Variants in SETD1B observed in about 807,000 individuals in gnomAD.
The protein encoded by SETD1B is histone-lysine N-methyltransferase SETD1B.
A neutral mutation model predicts 148.0 loss-of-function variants in SETD1B; 7 were observed. The observed-to-expected ratio is 0.05, with a 90% CI of 0.03 to 0.09. The LOEUF (loss-of-function observed/expected upper bound fraction) is 0.09. Among genes scored for constraint, SETD1B ranks in the 10% least tolerant of loss-of-function variants. The probability of loss-of-function intolerance (pLI) is 1.00; values close to 1 mark genes in which losing one functional copy is unlikely to be tolerated. For missense variants in SETD1B, 2,155 were observed against 2,729.9 expected, an observed-to-expected ratio of 0.79 and a Z score of 4.69; for synonymous variants, 1,361 against 1,186.5, an observed-to-expected ratio of 1.15 and a Z score of -3.02.
In SETD1B at chr12:121,810,212, C is replaced by T. The variant is rs573747074; in HGVS notation, c.1267C>T (p.Arg423Cys). Reference sequence around the variant, plus strand: ...CACCGCCACAGCCGCTTTTGGGGCCCGCGACAGTGGGGAGTTCCGGAGGGC... The same window carrying T: ...CACCGCCACAGCCGCTTTTGGGGCCTGCGACAGTGGGGAGTTCCGGAGGGC... ...EPTATAAFGA[R>C]DSGEFRRAPA... The change falls in exon 6 of 17, where the codon CGC becomes TGC. Residue 423 changes from arginine to cysteine, a missense_variant. Around this residue, in one of 11 missense-constraint regions of SETD1B, gnomAD observed 376 missense variants for 385.0 expected, o/e 0.98. Coordinates refer to ENST00000604567, the MANE Select transcript of SETD1B (RefSeq NM_001353345.2). This position sits in a 1 kb window ranked among gnomAD's most constrained non-coding sequence, Gnocchi z 7.6. 30 of 1,549,418 alleles carry T rather than the reference C, an allele frequency of 1.9e-5. No homozygotes were observed. Among genetic ancestry groups the T allele is most frequent in the East Asian group, 1.2e-4 (5 of 40,904 alleles).
At chr12:121,798,643 T>C in the SETD1B span, among the ~76,000 whole-genome samples, 13 of 152,210 alleles carry the variant, frequency 8.5e-5, no homozygotes, top group Admixed American at 5.9e-4. Flanking sequence ...AAGATACCTT[T>C]AGCAAGATCT....
At chr12:121,822,417 G>T in intron 11 of SETD1B, 73 bp from the exon 12 acceptor site, 1 of 1,465,654 alleles carries the variant, frequency 6.8e-7, no homozygotes, top group Non-Finnish European at 9.1e-7. Context: ...GCCAGGTATG[G>T]AGCACAAAAT....
intron 14 of SETD1B, 29 bp from the exon 15 acceptor site, chr12:121,827,706 C>A (rs929794228): frequency 3.0e-5 from 47 of 1,551,644 alleles, no homozygotes; most frequent in Admixed American, 1.4e-4. Flanking sequence ...GAGACCGGGG[C>A]TCACCTCTCC....
intron 6 of SETD1B, among the ~76,000 whole-genome samples, chr12:121,812,293 C>T (rs759651143): frequency 6.6e-6 from 1 of 152,198 alleles, no homozygotes. Context: ...TAAACAGTGG[C>T]TGGTCGTTAA....
At chr12:121,818,871 CAG>C (rs1876427772) in intron 10 of SETD1B, among the ~76,000 whole-genome samples, 1 of 143,218 alleles carries the variant, frequency 7.0e-6, no homozygotes, top group Admixed American at 7.1e-5. Flanking sequence ...CCCTGGGCGA[CAG>C]AGCGAGACTC....
chr12:121,820,141 G>A (rs11043203), intron 11 of SETD1B, among the ~76,000 whole-genome samples: 31,127 of 152,184 alleles, frequency 0.2, 3,576 homozygotes, highest in African/African-American at 0.31. Flanking sequence ...CACTGCCAGC[G>A]TTTCCCTGGT....
rs1050688148 is a variant in SETD1B at position 121,820,635 on chromosome 12, G to A, written c.3910+740G>A. ...CGCAAGCTCCGCCTCCCAGGTTCAC[G>A]CCATTCTCCTGCCTCAGCCTCCAGA... On this transcript the variant is annotated intron_variant, in intron 11 of 16. Coordinates refer to ENST00000604567, the MANE Select transcript of SETD1B (RefSeq NM_001353345.2). 2.0e-5 allele frequency among the ~76,000 whole-genome samples: 3 copies of A among 152,118 alleles called. No individual in the cohort carries two copies. The East Asian group carries it at 5.8e-4, about 29-fold the overall frequency.
intron 13 of SETD1B, among the ~76,000 whole-genome samples, chr12:121,826,547 T>G (rs7302998): frequency 0.015 from 2,292 of 152,014 alleles, 47 homozygotes; most frequent in African/African-American, 0.052. Flanking sequence ...AGAGGCCACT[T>G]GTGGGAGAGA....
In SETD1B at chr12:121,827,818, G is replaced by A. The variant is rs1337605673; in HGVS notation, c.5553G>A (p.Glu1851=). ...CCATGGAGCCCATCGCGGCTGACGA[G>A]ATGGTCATCGAGTACGTGGGCCAGA... ...LFAMEPIAAD[E]MVIEYVGQNI... The change falls in exon 15 of 17, where the codon GAG becomes GAA. Residue 1851 remains glutamate (E), a synonymous_variant. Transcript: ENST00000604567. The A allele has an allele frequency of 6.4e-7, 1 of 1,560,232 alleles. No individual in the cohort carries two copies. The highest frequency in any genetic ancestry group is 8.7e-7 in the Non-Finnish European group (1 of 1,151,362).
At chr12:121,792,332 C>T in the SETD1B span, among the ~76,000 whole-genome samples, 1 of 152,204 alleles carries the variant, frequency 6.6e-6, no homozygotes, top group African/African-American at 2.4e-5. Flanking sequence ...ACCTTTGGTC[C>T]CCAATGTTGA....
chr12:121,823,512 C>T lies in SETD1B; in HGVS notation c.4933C>T (p.Pro1645Ser). 2 of 1,550,896 alleles carry T rather than the reference C, an allele frequency of 1.3e-6. No individual in the cohort carries two copies. Among genetic ancestry groups the T allele is most frequent in the South Asian group, 1.2e-5 (1 of 84,060 alleles). The change falls in exon 12 of 17, where the codon CCA becomes TCA. Residue 1645 changes from proline to serine, a missense_variant. Around this residue, in one of 11 missense-constraint regions of SETD1B, gnomAD observed 862 missense variants for 873.8 expected, o/e 0.99. Transcript: ENST00000604567. ...LAKSRGPWRRPPKKRHEDLVP... is the reference protein window; with the variant it reads ...LAKSRGPWRRSPKKRHEDLVP... Reference sequence around the variant, plus strand: ...CAAGAGCCGGGGGCCGTGGCGCCGGCCACCTAAGAAGCGCCATGAGGACCT... The same window carrying T: ...CAAGAGCCGGGGGCCGTGGCGCCGGTCACCTAAGAAGCGCCATGAGGACCT...
chr12:121,828,407 G>A (rs533544400), intron 16 of SETD1B, among the ~76,000 whole-genome samples: 6 of 152,364 alleles, frequency 3.9e-5, no homozygotes, highest in African/African-American at 1.4e-4. Context: ...GCTCAGTCCT[G>A]CTCGGGCCGA....
chr12:121,814,021 C>T, intron 6 of SETD1B, 85 bp from the exon 7 acceptor site: 1 of 1,131,292 alleles, frequency 8.8e-7, no homozygotes, highest in Non-Finnish European at 1.2e-6. Context: ...GGGAGTGCCA[C>T]TGATTGCTAG....
In SETD1B at chr12:121,816,977, C is replaced by T. The variant is rs938506933; in HGVS notation, c.2716-56C>T. On this transcript the variant is annotated intron_variant, in intron 7 of 16. Transcript: ENST00000604567. ...AGGCAGGTAGCCTGGGGAGGGCTCCCTGCAAGGGTTGGTGGTGCCAGAAGC... is the reference window on the plus strand; with the variant it reads ...AGGCAGGTAGCCTGGGGAGGGCTCCTTGCAAGGGTTGGTGGTGCCAGAAGC... The T allele has an allele frequency of 6.2e-6, 9 of 1,440,694 alleles. No homozygotes were observed. The African/African-American group carries it at 1.3e-4, about 21-fold the overall frequency. The allele number at this position is 1,440,694 out of a possible 1,614,324, so 89.2% of individuals were successfully genotyped here. A position where few individuals can be genotyped will look rare whatever the true frequency, so the allele number is the denominator to read the frequency against.
intron 11 of SETD1B, 111 bp from the exon 12 acceptor site, chr12:121,822,379 C>G: frequency 3.9e-6 from 5 of 1,297,810 alleles, no homozygotes; most frequent in South Asian, 3.0e-5. Context: ...AGGACAGGTC[C>G]CGTGCTCAGA....
chr12:121,794,264 C>G, the SETD1B span: 25 of 152,404 alleles, frequency 1.6e-4, no homozygotes, highest in African/African-American at 6.0e-4. Context: ...AGCGTGCACG[C>G]GGGTTCGGGG....
Position 121,809,859 on chromosome 12 carries a change from C to G in SETD1B, c.914C>G (p.Ala305Gly). The change falls in exon 6 of 17, where the codon GCA becomes GGA. Residue 305 changes from alanine (A) to glycine (G), a missense_variant. Ala to Gly is a moderately conservative substitution (Grantham distance 60, BLOSUM62 0). Coordinates refer to ENST00000604567, the MANE Select transcript of SETD1B (RefSeq NM_001353345.2). Reference protein sequence around the residue: ...TPSYLFSQDPAVTFKARRHES... With the variant: ...TPSYLFSQDPGVTFKARRHES... ...TCATACCTCTTCAGCCAGGACCCTG[C>G]AGTGACCTTCAAGGCCCGGCGCCAC... 6.4e-7 allele frequency: 1 copy of G among 1,551,432 alleles called. No homozygotes were observed. The highest frequency in any genetic ancestry group is 8.7e-7 in the Non-Finnish European group (1 of 1,146,996).
chr12:121,823,443 C>A lies in SETD1B; in HGVS notation c.4864C>A (p.Pro1622Thr). Residue 1622 changes from proline to threonine, a missense_variant, in exon 12 of 17, where the codon CCC (proline) becomes ACC (threonine). This residue lies in a region of SETD1B where 862 missense variants were observed against 873.8 expected (regional missense o/e 0.99). Transcript: ENST00000604567. ...GCCCTCCGAGGCCATTCCTCCGGGC[C>A]CCCGTGGGCGCGATGAGGTCACTGA... ...QWPSEAIPPGPRGRDEVTEEY... is the reference protein window; with the variant it reads ...QWPSEAIPPGTRGRDEVTEEY... 1.3e-6 allele frequency: 2 copies of A among 1,549,606 alleles called. No individual in the cohort carries two copies. The highest frequency in any genetic ancestry group is 1.7e-6 in the Non-Finnish European group (2 of 1,146,824).
chr12:121,800,203 C>G (rs1875263323), upstream of SETD1B: 1 of 152,094 alleles, frequency 6.6e-6, no homozygotes, highest in Admixed American at 6.5e-5. Context: ...AGATCTGAGG[C>G]TTCGCCGGGA....
Sources: allele counts gnomAD v4.1 joint callset (sites outside exome capture counted in the v4.1 genomes callset), GRCh38; gene constraint gnomAD v4.1.1; regional missense constraint gnomAD v4.1.1; non-coding constraint Gnocchi (gnomAD v3.1); transcripts MANE v1.5; gene names NCBI Gene and HGNC (gene_info 2026-07-23, HGNC 2026-07-21).